Variants in EBF2 observed in about 807,000 individuals in gnomAD.
The protein encoded by EBF2 is EBF transcription factor 2, also known as transcription factor COE2.
Under a neutral mutation model 72.8 loss-of-function variants are expected in EBF2, and 21 were observed. The observed-to-expected ratio is 0.29, with a 90% CI of 0.20 to 0.42. The LOEUF (loss-of-function observed/expected upper bound fraction) is 0.42, where lower values mean the gene tolerates loss of function less well. Ranked by LOEUF, EBF2 falls within the 10% of genes least tolerant of loss-of-function variation. EBF2 has a pLI of 1.00. For synonymous variants in EBF2, 299 were observed against 274.2 expected (o/e 1.09, Z -0.89); for missense variants, 637 against 731.2 (o/e 0.87, Z 1.49).
intron 6 of EBF2, among the ~76,000 whole-genome samples, chr8:26,024,088 G>A (rs1012025936): frequency 1.3e-5 from 2 of 152,048 alleles, no homozygotes; most frequent in South Asian, 2.1e-4. Context: ...ACTGTCTCTC[G>A]TCACATGTAC....
chr8:25,904,376 A>G (rs1182369218), intron 7 of EBF2, among the ~76,000 whole-genome samples: 1 of 151,180 alleles, frequency 6.6e-6, no homozygotes, highest in Non-Finnish European at 1.5e-5. Flanking sequence ...CCTTGATGTA[A>G]CAATTTTGGT....
chr8:25,925,603 G>A (rs773658275), intron 6 of EBF2, among the ~76,000 whole-genome samples: 5 of 152,208 alleles, frequency 3.3e-5, no homozygotes, highest in African/African-American at 7.2e-5. Context: ...TGTGCAGTGT[G>A]TGCGTGCATG....
intron 7 of EBF2, among the ~76,000 whole-genome samples, chr8:25,892,200 G>A (rs549918671): frequency 1.3e-5 from 2 of 152,246 alleles, no homozygotes; most frequent in South Asian, 4.2e-4. Flanking sequence ...AATAATATTT[G>A]AAATAGAACA....
intron 6 of EBF2, among the ~76,000 whole-genome samples, chr8:26,010,509 C>G (rs1804960172): frequency 6.6e-6 from 1 of 152,188 alleles, no homozygotes; most frequent in Non-Finnish European, 1.5e-5. Context: ...TTGAACAAAA[C>G]CCAGTAGCGG....
intron 10 of EBF2, among the ~76,000 whole-genome samples, chr8:25,882,741 A>G (rs1802624916): frequency 6.6e-6 from 1 of 152,188 alleles, no homozygotes; most frequent in Non-Finnish European, 1.5e-5. Flanking sequence ...AAGCCACACT[A>G]TGAGTCCAGG....
chr8:25,977,016 C>A (rs1455995162), intron 6 of EBF2, among the ~76,000 whole-genome samples: 1 of 152,206 alleles, frequency 6.6e-6, no homozygotes, highest in Non-Finnish European at 1.5e-5. Flanking sequence ...CAGTGACAAG[C>A]TTCAGTCTCA....
chr8:26,019,443 T>C (rs1361198160), intron 6 of EBF2, among the ~76,000 whole-genome samples: 2 of 152,240 alleles, frequency 1.3e-5, no homozygotes, highest in African/African-American at 4.8e-5. Flanking sequence ...GGACTTCTGC[T>C]TCTTCCTCCT....
chr8:25,869,103 A>G (rs1802385860), intron 10 of EBF2, among the ~76,000 whole-genome samples: 1 of 152,148 alleles, frequency 6.6e-6, no homozygotes, highest in African/African-American at 2.4e-5. Context: ...CAATAGCACA[A>G]CTTTTCCCAT....
intron 6 of EBF2, among the ~76,000 whole-genome samples, chr8:26,000,824 C>T (rs1291346449): frequency 2.0e-5 from 3 of 152,190 alleles, no homozygotes; most frequent in Non-Finnish European, 4.4e-5. Flanking sequence ...CAACAATCAA[C>T]AGGCACAACA....
chr8:25,949,365 T>C (rs1020884124), intron 6 of EBF2, among the ~76,000 whole-genome samples: 8 of 152,228 alleles, frequency 5.3e-5, no homozygotes, highest in Non-Finnish European at 8.8e-5. Context: ...GGAAGTTTGA[T>C]CATTTTTTAA....
In EBF2 at chr8:26,044,785, C is replaced by G. The variant is rs763643336; in HGVS notation, c.75G>C (p.Ser25=). 1 of 1,614,128 alleles carries G rather than the reference C, an allele frequency of 6.2e-7. No homozygotes were observed. The highest frequency in any genetic ancestry group is 8.5e-7 in the Non-Finnish European group (1 of 1,180,030). The change falls in exon 1 of 16, where the codon TCG becomes TCC. Residue 25 remains serine, a synonymous_variant. Coordinates refer to ENST00000520164, the MANE Select transcript of EBF2 (RefSeq NM_022659.4). This position sits in a 1 kb window ranked among gnomAD's most constrained non-coding sequence, Gnocchi z 4.1. The part of the protein sequence containing the change: ...KEKSLGAEMD[S]VRSWVRNVGV... ...CGACATTCCGGACCCAGGACCTGAC[C>G]GAATCCATCTCCGCGCCCAGCGATT...
intron 6 of EBF2, among the ~76,000 whole-genome samples, chr8:25,990,494 A>G (rs1037778067): frequency 2.6e-5 from 4 of 152,192 alleles, no homozygotes; most frequent in Non-Finnish European, 4.4e-5. Flanking sequence ...AGATTCTACA[A>G]CTGTGCTGTA....
At chr8:25,855,228 CAT>C (rs1204879687) in intron 14 of EBF2, among the ~76,000 whole-genome samples, 1 of 152,152 alleles carries the variant, frequency 6.6e-6, no homozygotes, top group Admixed American at 6.5e-5. Flanking sequence ...TCACCGGGCA[CAT>C]ATCCTCCTTT....
At position 26,040,640 on chromosome 8, in the gene EBF2, C is replaced by T. The variant is rs896650146; in HGVS notation, c.384G>A (p.Arg128=). 7 of 1,554,898 alleles carry T rather than the reference C, an allele frequency of 4.5e-6. No homozygotes were observed. Among genetic ancestry groups the T allele is most frequent in the Non-Finnish European group, 6.1e-6 (7 of 1,148,774 alleles). The change falls in exon 4 of 16, where the codon AGG becomes AGA. Residue 128 remains arginine, a synonymous_variant. Transcript: ENST00000520164. ...GVRTEQDLYV[R]LIDSVTKQPI... is the part of the protein sequence containing the mutation. ...CCTGCTTGGTGACCGAGTCGATGAG[C>T]CTGACATAGAGGTCCTGTTCCGTGC...
At chr8:26,019,701 C>T (rs11135909) in intron 6 of EBF2, among the ~76,000 whole-genome samples, 61,817 of 151,950 alleles carry the variant, frequency 0.41, 13,334 homozygotes, top group East Asian at 0.79. Context: ...TCACCAACAG[C>T]TCTTTCTCTC....
Position 25,990,493 on chromosome 8 carries a change from A to T in EBF2, c.551+42592T>A, listed in dbSNP as rs918951258. ...CCAAGCACTCATGTTCAGATTCTAC[A>T]ACTGTGCTGTAAGAAAACAGCCTGT... On this transcript the variant is annotated intron_variant, in intron 6 of 15. Transcript: ENST00000520164. Among the ~76,000 whole-genome samples the T allele has an allele frequency of 2.0e-5, 3 of 152,162 alleles. 1 individual carries two copies. In the Middle Eastern group the frequency reaches 9.5e-3, roughly 482 times the overall value.
rs375267161 is a variant in EBF2 at position 25,846,238 on chromosome 8, A to T, written c.1697-1598T>A. Among the ~76,000 whole-genome samples the T allele has an allele frequency of 4.7e-5, 7 of 150,334 alleles. No homozygotes were observed. The South Asian group carries it at 8.4e-4, about 18-fold the overall frequency. ...AGAGTGTAGGAGGTTTTTTTATTTT[A>T]TTTTTTTTTTCCTGGAGGGAGCTGG... On this transcript the variant is annotated intron_variant, in intron 15 of 15. Transcript: ENST00000520164.
At chr8:25,965,649 T>C (rs1415732820) in intron 6 of EBF2, among the ~76,000 whole-genome samples, 1 of 152,102 alleles carries the variant, frequency 6.6e-6, no homozygotes, top group Non-Finnish European at 1.5e-5. Flanking sequence ...TCCCTGCCAT[T>C]CCAACTAAAG....
chr8:25,899,943 T>C (rs1802923782), intron 7 of EBF2, among the ~76,000 whole-genome samples: 1 of 152,108 alleles, frequency 6.6e-6, no homozygotes. Flanking sequence ...TTGGTTCCCT[T>C]CTCTCCCACA....
Sources: gnomAD v4.1 joint callset for allele counts (sites outside exome capture counted in the v4.1 genomes callset) on GRCh38, gnomAD v4.1.1 for gene constraint, Gnocchi (gnomAD v3.1) non-coding constraint, MANE v1.5 for transcripts, NCBI Gene and HGNC (gene_info 2026-07-23, HGNC 2026-07-21) for gene names.